The following KLHL1 variants were observed in gnomAD, a reference collection of about 807,000 sequenced individuals.
KLHL1 encodes kelch like family member 1, also known as kelch-like protein 1.
Under a neutral mutation model 77.7 loss-of-function variants are expected in KLHL1, and 47 were observed. The ratio of observed to expected loss-of-function variants is 0.60; its 90% CI spans 0.48 to 0.77. The LOEUF (loss-of-function observed/expected upper bound fraction) is 0.77, where lower values mean the gene tolerates loss of function less well. Ranked by LOEUF, KLHL1 falls within the 30% of genes least tolerant of loss-of-function variation. KLHL1 has a pLI of 0.00. For missense variants in KLHL1, 925 were observed against 910.8 expected (o/e 1.02, Z -0.20); for synonymous variants, 360 against 325.2 (o/e 1.11, Z -1.15).
chr13:69,842,124 G>C (rs1386220458), intron 5 of KLHL1, among the ~76,000 whole-genome samples: 1 of 151,664 alleles, frequency 6.6e-6, no homozygotes, highest in Non-Finnish European at 1.5e-5. Context: ...TTCTCATAAA[G>C]AGTGGTCTAA....
At chr13:69,883,022 C>T (rs1009918339) in intron 4 of KLHL1, among the ~76,000 whole-genome samples, 4 of 152,102 alleles carry the variant, frequency 2.6e-5, no homozygotes, top group Non-Finnish European at 1.5e-5. Flanking sequence ...TCATTCCCTC[C>T]TCTCATGACA....
intron 1 of KLHL1, among the ~76,000 whole-genome samples, chr13:70,074,826 TAAACA>T (rs1205328174): frequency 6.6e-6 from 1 of 151,472 alleles, no homozygotes; most frequent in African/African-American, 2.4e-5. Context: ...ACTCAAAAAA[TAAACA>T]AATTTATCAC....
chr13:69,908,369 T>C (rs1882112992), intron 4 of KLHL1, among the ~76,000 whole-genome samples: 1 of 151,692 alleles, frequency 6.6e-6, no homozygotes, highest in Admixed American at 6.6e-5. Flanking sequence ...TATGTTTGAA[T>C]ACAATAAAGA....
chr13:70,008,708 T>A (rs894827842), intron 1 of KLHL1, among the ~76,000 whole-genome samples: 2 of 152,172 alleles, frequency 1.3e-5, no homozygotes, highest in Admixed American at 1.3e-4. Flanking sequence ...TGATCATTTA[T>A]ATTTTTGTAG....
intron 1 of KLHL1, among the ~76,000 whole-genome samples, chr13:70,025,170 T>C (rs900268053): frequency 6.6e-6 from 1 of 152,050 alleles, no homozygotes; most frequent in Non-Finnish European, 1.5e-5. Flanking sequence ...TTAAGGTCTT[T>C]GGACTAATTT....
At chr13:69,743,302 G>A (rs1235411525) in intron 7 of KLHL1, among the ~76,000 whole-genome samples, 1 of 152,112 alleles carries the variant, frequency 6.6e-6, no homozygotes. Flanking sequence ...TTGGAGTCAG[G>A]TTAGGTGGCG....
intron 1 of KLHL1, among the ~76,000 whole-genome samples, chr13:70,028,995 T>A (rs1272714427): frequency 7.6e-6 from 1 of 132,392 alleles, no homozygotes; most frequent in East Asian, 2.4e-4. Context: ...AAAAAAAAAA[T>A]CACTATTCCT....
intron 7 of KLHL1, among the ~76,000 whole-genome samples, chr13:69,743,659 G>A (rs947159025): frequency 6.6e-6 from 1 of 151,958 alleles, no homozygotes; most frequent in Non-Finnish European, 1.5e-5. Context: ...GGTGATGCGT[G>A]CCTGTAATCC....
At chr13:69,704,075 C>G (rs1327690270) in intron 10 of KLHL1, among the ~76,000 whole-genome samples, 7 of 151,678 alleles carry the variant, frequency 4.6e-5, no homozygotes, top group African/African-American at 1.4e-4. Context: ...GTACTGTGTA[C>G]TGGACTACAT....
At chr13:69,788,597 C>A (rs1474431860) in intron 7 of KLHL1, among the ~76,000 whole-genome samples, 2 of 151,990 alleles carry the variant, frequency 1.3e-5, no homozygotes, top group East Asian at 3.9e-4. Context: ...ACCAACATGG[C>A]ACATGTATGC....
intron 5 of KLHL1, among the ~76,000 whole-genome samples, chr13:69,861,833 C>T (rs1053826679): frequency 1.0e-4 from 15 of 147,088 alleles, no homozygotes; most frequent in African/African-American, 2.3e-4. Flanking sequence ...GGCTTGGTGG[C>T]GAATGCTTGT....
chr13:69,877,473 A>AT (rs148676834), intron 5 of KLHL1, among the ~76,000 whole-genome samples: 5,016 of 149,458 alleles, frequency 0.034, 171 homozygotes, highest in African/African-American at 0.086. Flanking sequence ...ATATATATAT[A>AT]TTTTTTTTTC....
intron 4 of KLHL1, among the ~76,000 whole-genome samples, chr13:69,900,169 T>C (rs962407475): frequency 6.6e-6 from 1 of 152,126 alleles, no homozygotes; most frequent in Non-Finnish European, 1.5e-5. Context: ...TTCAATAACA[T>C]CGAATTGCCT....
intron 4 of KLHL1, among the ~76,000 whole-genome samples, chr13:69,932,358 G>A (rs138103043): frequency 6.6e-6 from 1 of 151,656 alleles, no homozygotes; most frequent in East Asian, 1.9e-4. Context: ...GGAAGACTGT[G>A]CTTTATAAGT....
chr13:70,030,176 A>G (rs1225463015), intron 1 of KLHL1, among the ~76,000 whole-genome samples: 1 of 152,148 alleles, frequency 6.6e-6, no homozygotes, highest in Non-Finnish European at 1.5e-5. Flanking sequence ...TCAACATTAG[A>G]CAGATCAACG....
At chr13:69,769,936 C>T (rs534254629) in intron 7 of KLHL1, among the ~76,000 whole-genome samples, 1 of 152,126 alleles carries the variant, frequency 6.6e-6, no homozygotes, top group Non-Finnish European at 1.5e-5. Flanking sequence ...GTGACATGCT[C>T]CTGTTTGCCA....
At chr13:70,035,430 C>G (rs1220460971) in intron 1 of KLHL1, among the ~76,000 whole-genome samples, 6 of 151,022 alleles carry the variant, frequency 4.0e-5, no homozygotes, top group Admixed American at 6.6e-5. Flanking sequence ...GTTTCCAGAG[C>G]CTGGGAAGGA....
rs1218124139 is a variant in KLHL1, at chr13:69,997,836, T to C, written c.498-22034A>G. On this transcript the variant is annotated intron_variant, in intron 1 of 10. Transcript: ENST00000377844. ...CTTTATTATATATATATCTCACATA[T>C]TCTTTATTTATTATTCTGTCAATAG... Among the ~76,000 whole-genome samples, 5 of 150,194 alleles carry C rather than the reference T, an allele frequency of 3.3e-5. No individual in the cohort carries two copies. In the East Asian group the frequency reaches 9.7e-4, roughly 29 times the overall value.
At chr13:70,033,348 GGC>G in intron 1 of KLHL1, among the ~76,000 whole-genome samples, 1 of 152,188 alleles carries the variant, frequency 6.6e-6, no homozygotes, top group South Asian at 2.1e-4. Flanking sequence ...GGAGGGCAGT[GGC>G]GCGCTCTCGG....
Sources: gnomAD v4.1 joint callset for allele counts (sites outside exome capture counted in the v4.1 genomes callset) on GRCh38, gnomAD v4.1.1 for gene constraint, MANE v1.5 for transcripts, NCBI Gene and HGNC (gene_info 2026-07-23, HGNC 2026-07-21) for gene names.